Variants in STRN observed in about 807,000 individuals in gnomAD.
The protein encoded by STRN is protein phosphatase 2 regulatory subunit B'''alpha.
Under a neutral mutation model 96.3 loss-of-function variants are expected in STRN, and 53 were observed. The ratio of observed to expected loss-of-function variants is 0.55; its 90% CI spans 0.44 to 0.69. The LOEUF (loss-of-function observed/expected upper bound fraction) is 0.69. Among genes scored for constraint, STRN ranks in the 30% least tolerant of loss-of-function variants. STRN has a pLI of 0.00. For missense variants in STRN, 987 were observed against 963.9 expected, an observed-to-expected ratio of 1.02 and a Z score of -0.32; for synonymous variants, 428 against 355.9, an observed-to-expected ratio of 1.20 and a Z score of -2.28.
chr2:36,962,729 G>A (rs980683428), intron 1 of STRN, among the ~76,000 whole-genome samples: 2 of 152,074 alleles, frequency 1.3e-5, no homozygotes, highest in African/African-American at 4.8e-5. Flanking sequence ...GGACGGTCTC[G>A]ATATCTTGAC....
chr2:36,843,637 G>A lies in STRN; in HGVS notation c.*5819C>T, dbSNP rs1018110173. 2.0e-5 allele frequency: 3 copies of A among 151,964 alleles called. No individual in the cohort carries two copies. The highest frequency in any genetic ancestry group is 7.3e-5 in the African/African-American group (3 of 41,368). The allele number at this position is 151,964 out of a possible 1,614,324, so 9.4% of individuals were successfully genotyped here. On this transcript the variant is annotated 3_prime_UTR_variant, in exon 18 of 18. Coordinates refer to ENST00000263918, the MANE Select transcript of STRN (RefSeq NM_003162.4). ...ACTGGTTCATTAATTTTGGACTCAT[G>A]TATACTTTGTCTAATATCCTTTTAT...
chr2:36,899,616 G>C lies in STRN; in HGVS notation c.702C>G (p.Phe234Leu), dbSNP rs1324588435. The change falls in exon 6 of 18, where the codon TTC (phenylalanine) becomes TTG (leucine). Residue 234 changes from phenylalanine to leucine, a missense_variant. Transcript: ENST00000263918. The part of the protein sequence containing the change: ...LTDSASVLDN[F>L]KFLESAAADF... ...CTGCAGCTGCACTTTCAAGGAATTT[G>C]AAATTATCCAGCACGGAGGCAGAAT... The C allele has an allele frequency of 6.2e-7, 1 of 1,613,548 alleles. No homozygotes were observed. Among genetic ancestry groups the C allele is most frequent in the Non-Finnish European group, 8.5e-7 (1 of 1,179,816 alleles).
chr2:36,870,240 T>C (rs1196505317), intron 10 of STRN, among the ~76,000 whole-genome samples: 1 of 56,134 alleles, frequency 1.8e-5, no homozygotes, highest in East Asian at 4.8e-4. Context: ...AAAGAATGCA[T>C]TCCACTGGTA....
chr2:36,915,992 A>T, intron 3 of STRN, 86 bp downstream of exon 3: 1 of 1,191,972 alleles, frequency 8.4e-7, no homozygotes, highest in Non-Finnish European at 1.2e-6. Flanking sequence ...AATAATTAGA[A>T]AGTAACTTAC....
chr2:36,867,258 G>C, intron 12 of STRN: 1 of 152,106 alleles, frequency 6.6e-6, no homozygotes, highest in Non-Finnish European at 1.5e-5. Flanking sequence ...TGGATCACTT[G>C]AGGTCAAGAG....
intron 3 of STRN, 26 bp downstream of exon 3, chr2:36,916,052 T>C (rs1456936131): frequency 6.3e-7 from 1 of 1,591,230 alleles, no homozygotes; most frequent in Admixed American, 1.7e-5. Flanking sequence ...TTTTTAACAC[T>C]TAAACTTCCA....
Position 36,850,952 on chromosome 2 carries a change from A to ATG in STRN, c.2086+47_2086+48insCA. 3 of 1,239,168 alleles carry ATG rather than the reference A, an allele frequency of 2.4e-6. No individual in the cohort carries two copies. The African/African-American group carries it at 4.7e-5, about 19-fold the overall frequency. The allele number at this position is 1,239,168 out of a possible 1,614,324, so 76.8% of individuals were successfully genotyped here. On this transcript the variant is annotated intron_variant, in intron 16 of 17. Transcript: ENST00000263918. ...CAAAATTAGCCTACTTGTGGTAGGG[A>ATG]TTTTTTTTTTTTGCTTTAATAAAAA...
chr2:36,843,103 T>C lies in STRN; in HGVS notation c.*6353A>G, dbSNP rs758783022. Reference sequence around the variant, plus strand: ...TCCTGAGATAGATCTCCAAAATTACTCAAGCTAATCATGTCTCAGTTCTCA... The same window carrying C: ...TCCTGAGATAGATCTCCAAAATTACCCAAGCTAATCATGTCTCAGTTCTCA... On this transcript the variant is annotated 3_prime_UTR_variant, in exon 18 of 18. Transcript: ENST00000263918. Among the ~76,000 whole-genome samples the C allele has an allele frequency of 6.6e-6, 1 of 152,162 alleles. No individual in the cohort carries two copies. Among genetic ancestry groups the C allele is most frequent in the Admixed American group, 6.6e-5 (1 of 15,262 alleles).
intron 7 of STRN, among the ~76,000 whole-genome samples, chr2:36,890,783 C>A (rs543122744): frequency 6.6e-6 from 1 of 152,184 alleles, no homozygotes; most frequent in African/African-American, 2.4e-5. Context: ...TGCGCCTGGC[C>A]CAGAAAACTA....
chr2:36,933,045 AT>A (rs56808546), intron 1 of STRN, among the ~76,000 whole-genome samples: 7,710 of 141,784 alleles, frequency 0.054, 668 homozygotes, highest in African/African-American at 0.19. Flanking sequence ...TAGAAATTCC[AT>A]TTTTTTTTAA....
intron 1 of STRN, among the ~76,000 whole-genome samples, chr2:36,936,663 G>A (rs1394596775): frequency 6.6e-6 from 1 of 152,202 alleles, no homozygotes; most frequent in African/African-American, 2.4e-5. Context: ...ATTTGAGAAA[G>A]ATGGAAAGTG....
At chr2:36,952,111 G>A (rs1353234438) in intron 1 of STRN, among the ~76,000 whole-genome samples, 1 of 152,162 alleles carries the variant, frequency 6.6e-6, no homozygotes, top group East Asian at 1.9e-4. Context: ...ACTCGAATTA[G>A]CATTCTAAGA....
chr2:36,924,995 G>C (rs62132551), intron 2 of STRN, 110 bp downstream of exon 2: 12 of 882,690 alleles, frequency 1.4e-5, no homozygotes, highest in Non-Finnish European at 3.6e-6. Flanking sequence ...GGCGGAGGTC[G>C]CGGTGAGCCA....
chr2:36,856,230 G>A (rs900523249), intron 14 of STRN, among the ~76,000 whole-genome samples: 1 of 152,132 alleles, frequency 6.6e-6, no homozygotes, highest in Non-Finnish European at 1.5e-5. Flanking sequence ...GTGTAAAATG[G>A]TACAACTACA....
At chr2:36,906,682 T>C (rs1669829095) in intron 3 of STRN, among the ~76,000 whole-genome samples, 1 of 151,862 alleles carries the variant, frequency 6.6e-6, no homozygotes, top group Non-Finnish European at 1.5e-5. Context: ...TCCCAGCACC[T>C]TGGGAGGCCG....
At chr2:36,918,741 C>G (rs968849826) in intron 2 of STRN, among the ~76,000 whole-genome samples, 1 of 152,152 alleles carries the variant, frequency 6.6e-6, no homozygotes, top group Non-Finnish European at 1.5e-5. Flanking sequence ...ATTTTTCTCA[C>G]AGAACCCTCC....
At chr2:36,895,889 G>A (rs539146756) in intron 6 of STRN, among the ~76,000 whole-genome samples, 6 of 151,912 alleles carry the variant, frequency 3.9e-5, no homozygotes, top group East Asian at 1.9e-4. Context: ...ACGCCACTGC[G>A]CCCCAGCCTG....
At chr2:36,866,233 A>G (rs2148145246) in intron 12 of STRN, among the ~76,000 whole-genome samples, 1 of 151,780 alleles carries the variant, frequency 6.6e-6, no homozygotes, top group Admixed American at 6.6e-5. Flanking sequence ...CGTCACCACT[A>G]GTGGCTGATT....
intron 6 of STRN, among the ~76,000 whole-genome samples, chr2:36,895,677 C>T (rs1354899443): frequency 4.0e-5 from 6 of 150,558 alleles, no homozygotes; most frequent in African/African-American, 1.5e-4. Context: ...TTTGGGAGGC[C>T]GAGATGGGTG....
Sources: allele counts gnomAD v4.1 joint callset (sites outside exome capture counted in the v4.1 genomes callset), GRCh38; gene constraint gnomAD v4.1.1; transcripts MANE v1.5; gene names NCBI Gene and HGNC (gene_info 2026-07-23, HGNC 2026-07-21).